The following TGFB2 variants were observed in gnomAD, a reference collection of about 807,000 sequenced individuals.
TGFB2 encodes the protein transforming growth factor beta-2 proprotein.
A neutral mutation model predicts 42.7 loss-of-function variants in TGFB2; 13 were observed. The ratio of observed to expected loss-of-function variants is 0.30; its 90% CI spans 0.20 to 0.48. The LOEUF is 0.48. TGFB2 is among the 20% of genes least tolerant of loss of function. The pLI is 0.99. For missense variants in TGFB2, 390 were observed against 517.5 expected, an observed-to-expected ratio of 0.75 and a Z score of 2.39; for synonymous variants, 193 against 193.6, an observed-to-expected ratio of 1.00 and a Z score of 0.03.
intron 2 of TGFB2, among the ~76,000 whole-genome samples, chr1:218,409,940 C>T (rs528537771): frequency 2.9e-4 from 44 of 152,298 alleles, no homozygotes; most frequent in African/African-American, 1.0e-3. Context: ...TGTGTGCACA[C>T]GTGCCTGTGA....
intron 1 of TGFB2, among the ~76,000 whole-genome samples, chr1:218,381,549 C>G (rs939657535): frequency 2.0e-5 from 3 of 152,100 alleles, no homozygotes; most frequent in Non-Finnish European, 2.9e-5. Context: ...CCACAGCGCC[C>G]GACTGAAAGG....
At chr1:218,370,154 A>C (rs140006224) in intron 1 of TGFB2, among the ~76,000 whole-genome samples, 92 of 152,350 alleles carry the variant, frequency 6.0e-4, no homozygotes, top group African/African-American at 2.0e-3. Context: ...GGTTGATGAC[A>C]AGGAAAGCAT....
At chr1:218,353,845 G>A (rs541049747) in intron 1 of TGFB2, among the ~76,000 whole-genome samples, 1 of 152,110 alleles carries the variant, frequency 6.6e-6, no homozygotes, top group Non-Finnish European at 1.5e-5. Context: ...AGCTATGACT[G>A]CCCCGCTGTC....
chr1:218,406,738 C>T (rs1658925061), intron 2 of TGFB2, among the ~76,000 whole-genome samples: 1 of 152,096 alleles, frequency 6.6e-6, no homozygotes, highest in Admixed American at 6.5e-5. Context: ...AATGGGCTTG[C>T]TGAGGGTACC....
chr1:218,426,477 G>C (rs1423971956), intron 2 of TGFB2, among the ~76,000 whole-genome samples: 2 of 152,196 alleles, frequency 1.3e-5, no homozygotes, highest in African/African-American at 4.8e-5. Flanking sequence ...GGATGCTTTT[G>C]TGTAGGGAGT....
At chr1:218,435,627 G>C (rs1483263728) in intron 4 of TGFB2, among the ~76,000 whole-genome samples, 1 of 152,174 alleles carries the variant, frequency 6.6e-6, no homozygotes, top group Non-Finnish European at 1.5e-5. Context: ...TTGAGGGCTT[G>C]AACGCAGCCT....
chr1:218,405,631 A>T (rs1376218648), intron 2 of TGFB2: 1 of 411,030 alleles, frequency 2.4e-6, no homozygotes, highest in Admixed American at 3.5e-5. Flanking sequence ...GGCCTCAAAA[A>T]GTTTGGGGAT....
At chr1:218,419,001 C>T (rs1659369080) in intron 2 of TGFB2, among the ~76,000 whole-genome samples, 1 of 152,186 alleles carries the variant, frequency 6.6e-6, no homozygotes, top group Non-Finnish European at 1.5e-5. Context: ...AATACACCCC[C>T]TCAGCAGCTG....
At chr1:218,399,987 T>A (rs2102589079) in intron 1 of TGFB2, among the ~76,000 whole-genome samples, 1 of 152,246 alleles carries the variant, frequency 6.6e-6, no homozygotes, top group East Asian at 1.9e-4. Flanking sequence ...ATTTACTTCA[T>A]TATATAGATG....
chr1:218,362,166 T>TA (rs1309094435), intron 1 of TGFB2, among the ~76,000 whole-genome samples: 3 of 151,976 alleles, frequency 2.0e-5, no homozygotes, highest in Non-Finnish European at 4.4e-5. Flanking sequence ...ATGGCAAAAA[T>TA]AAAAAATAAA....
intron 1 of TGFB2, among the ~76,000 whole-genome samples, chr1:218,383,362 T>C (rs1193717295): frequency 6.6e-6 from 1 of 151,814 alleles, no homozygotes; most frequent in East Asian, 1.9e-4. Context: ...AATTCAAAGC[T>C]GGAAAGCATG....
chr1:218,395,866 G>A (rs111305122), intron 1 of TGFB2, among the ~76,000 whole-genome samples: 22,756 of 151,924 alleles, frequency 0.15, 3,059 homozygotes, highest in African/African-American at 0.36. Flanking sequence ...CACCCACCTC[G>A]GCCTCCCAAA....
intron 1 of TGFB2, among the ~76,000 whole-genome samples, chr1:218,375,411 T>A (rs1305582136): frequency 3.3e-5 from 5 of 149,872 alleles, no homozygotes; most frequent in Admixed American, 3.3e-4. Context: ...TCTGAACTTT[T>A]TTTTTTTTCC....
intron 2 of TGFB2, among the ~76,000 whole-genome samples, chr1:218,417,837 C>T (rs1449326084): frequency 1.3e-5 from 2 of 152,238 alleles, no homozygotes; most frequent in Admixed American, 1.3e-4. Flanking sequence ...GTGCAAGCCC[C>T]AAGCCTTGGC....
intron 1 of TGFB2, among the ~76,000 whole-genome samples, chr1:218,348,712 C>A (rs1475696313): frequency 3.3e-5 from 5 of 152,196 alleles, no homozygotes; most frequent in Non-Finnish European, 5.9e-5. Context: ...AGTCCAAAAC[C>A]ATTGAGACAA....
chr1:218,381,614 A>T (rs1329296859), intron 1 of TGFB2, among the ~76,000 whole-genome samples: 1 of 152,170 alleles, frequency 6.6e-6, no homozygotes, highest in Non-Finnish European at 1.5e-5. Flanking sequence ...TGAATCCCAC[A>T]TCTTAAATCT....
In TGFB2 at chr1:218,443,313, T is replaced by C. The variant is rs979639754; in HGVS notation, c.*1951T>C. 1 of 152,154 alleles carries C rather than the reference T, an allele frequency of 6.6e-6. No individual in the cohort carries two copies. Among genetic ancestry groups the C allele is most frequent in the African/African-American group, 2.4e-5 (1 of 41,444 alleles). The allele number at this position is 152,154 out of a possible 1,614,324, so 9.4% of individuals were successfully genotyped here. On this transcript the variant is annotated 3_prime_UTR_variant, in exon 7 of 7. Coordinates refer to ENST00000366930, the MANE Select transcript of TGFB2 (RefSeq NM_003238.6). ...GCTTATTTAGCTTTAAAATAAAAAT[T>C]AATAGGCAAAGCAATGGAATATTTG...
At chr1:218,366,914 C>T (rs751478332) in intron 1 of TGFB2, among the ~76,000 whole-genome samples, 1 of 152,204 alleles carries the variant, frequency 6.6e-6, no homozygotes, top group Non-Finnish European at 1.5e-5. Flanking sequence ...GAACCTACAG[C>T]CCCTGTGGAG....
chr1:218,347,521 C>T (rs1312744964), intron 1 of TGFB2, among the ~76,000 whole-genome samples: 2 of 152,192 alleles, frequency 1.3e-5, no homozygotes, highest in Non-Finnish European at 2.9e-5. Context: ...CCTTTCCGTG[C>T]TGACCTATCA....
Sources: gnomAD v4.1 joint callset for allele counts (sites outside exome capture counted in the v4.1 genomes callset) on GRCh38, gnomAD v4.1.1 for gene constraint, MANE v1.5 for transcripts, NCBI Gene and HGNC (gene_info 2026-07-23, HGNC 2026-07-21) for gene names.